Variants in HADHA observed in about 807,000 individuals in gnomAD.
The protein encoded by HADHA is hydroxyacyl-CoA dehydrogenase trifunctional multienzyme complex subunit alpha, also known as trifunctional enzyme subunit alpha, mitochondrial.
In HADHA, 59 loss-of-function variants were observed where a neutral mutation model predicts 91.3. The observed-to-expected ratio is 0.65, with a 90% CI of 0.52 to 0.80. HADHA has a LOEUF of 0.80. Among genes scored for constraint, HADHA ranks in the 30% least tolerant of loss-of-function variants. The probability of loss-of-function intolerance (pLI) is 0.00; values close to 1 mark genes in which losing one functional copy is unlikely to be tolerated. For synonymous variants in HADHA, 320 were observed against 338.9 expected (o/e 0.94, Z 0.61); for missense variants, 800 against 927.6 (o/e 0.86, Z 1.79).
intron 12 of HADHA, among the ~76,000 whole-genome samples, chr2:26,201,961 A>ATTT (rs36063094): frequency 1.5e-5 from 2 of 137,198 alleles, no homozygotes; most frequent in African/African-American, 5.4e-5. Flanking sequence ...CGCCTGGCTA[A>ATTT]TTTTTTTTTT....
At chr2:26,213,329 A>G (rs982058821) in intron 9 of HADHA, among the ~76,000 whole-genome samples, 1 of 152,206 alleles carries the variant, frequency 6.6e-6, no homozygotes, top group Non-Finnish European at 1.5e-5. Context: ...TCACTGCTCT[A>G]CTTTGTCTCT....
At chr2:26,228,515 C>G (rs758019931) in intron 7 of HADHA, among the ~76,000 whole-genome samples, 5 of 152,180 alleles carry the variant, frequency 3.3e-5, no homozygotes, top group Non-Finnish European at 5.9e-5. Context: ...AAATGCTCAT[C>G]ATTTGGTGAA....
intron 15 of HADHA, among the ~76,000 whole-genome samples, 184 bp downstream of exon 15, chr2:26,194,908 T>G (rs1179746042): frequency 6.6e-6 from 1 of 151,856 alleles, no homozygotes; most frequent in Non-Finnish European, 1.5e-5. Context: ...TCCTAGATAC[T>G]CCCCACTCCC....
chr2:26,215,907 C>T (rs899239097), intron 7 of HADHA, among the ~76,000 whole-genome samples: 1 of 152,216 alleles, frequency 6.6e-6, no homozygotes, highest in Admixed American at 6.5e-5. Context: ...GGGCCTGAAA[C>T]CAATATGCAA....
intron 6 of HADHA, among the ~76,000 whole-genome samples, 182 bp downstream of exon 6, chr2:26,231,978 A>G (rs895321233): frequency 8.6e-5 from 13 of 152,000 alleles, no homozygotes; most frequent in African/African-American, 2.2e-4. Context: ...CAAAAAAAAA[A>G]AAAAAAAAAA....
rs935397648 is a variant in HADHA, at chr2:26,193,759, G to C, written c.1703C>G (p.Pro568Arg). 4 of 1,614,016 alleles carry C rather than the reference G, an allele frequency of 2.5e-6. No homozygotes were observed. Among genetic ancestry groups the C allele is most frequent in the Non-Finnish European group, 3.4e-6 (4 of 1,179,898 alleles). Reference sequence around the variant, plus strand: ...TGTGGTCAGGGAATCCAGCTTCTTCGGGTCAACTCCTTCCTGAACAGGAAG... The same window carrying C: ...TGTGGTCAGGGAATCCAGCTTCTTCCGGTCAACTCCTTCCTGAACAGGAAG... ...VIRILQEGVDPKKLDSLTTSF... is the reference protein window; with the variant it reads ...VIRILQEGVDRKKLDSLTTSF... The change falls in exon 17 of 20, where the codon CCG (proline) becomes CGG (arginine). Residue 568 changes from proline to arginine, a missense_variant. Pro to Arg is a moderately radical substitution (Grantham distance 103). Coordinates refer to ENST00000380649, the MANE Select transcript of HADHA (RefSeq NM_000182.5).
intron 7 of HADHA, among the ~76,000 whole-genome samples, chr2:26,216,477 T>C (rs1293609799): frequency 6.6e-6 from 1 of 151,920 alleles, no homozygotes; most frequent in African/African-American, 2.4e-5. Flanking sequence ...CATGCCACTG[T>C]GCCCAGCTAA....
intron 7 of HADHA, among the ~76,000 whole-genome samples, chr2:26,227,340 G>C (rs1006025622): frequency 1.3e-5 from 2 of 151,850 alleles, no homozygotes; most frequent in Non-Finnish European, 1.5e-5. Context: ...GGTAAAACCC[G>C]ATCTCTACTA....
rs762771519 is a variant in HADHA at position 26,209,874 on chromosome 2, C to T, written c.991G>A (p.Val331Ile). The T allele has an allele frequency of 1.9e-6, 3 of 1,577,272 alleles. No individual in the cohort carries two copies. Among genetic ancestry groups the T allele is most frequent in the East Asian group, 2.2e-5 (1 of 44,686 alleles). ...AAGGCCTTTGATTCTTTGGTCATTA[C>T]AAGCTCTCCAAATTTCTGAAAAGTA... is the stretch of plus-strand genomic sequence containing the variant. The part of the protein sequence containing the change: ...LCESQKFGEL[V>I]MTKESKALMG... The change falls in exon 11 of 20, where the codon GTA becomes ATA. Residue 331 changes from valine to isoleucine, a missense_variant. By Grantham distance (29) the Val-to-Ile change is conservative (BLOSUM62 3). Coordinates refer to ENST00000380649, the MANE Select transcript of HADHA (RefSeq NM_000182.5).
intron 7 of HADHA, among the ~76,000 whole-genome samples, chr2:26,224,599 AG>A (rs1370980013): frequency 6.6e-6 from 1 of 152,234 alleles, no homozygotes; most frequent in African/African-American, 2.4e-5. Flanking sequence ...ATTTCACCCA[AG>A]GACTCTGCAT....
intron 11 of HADHA, among the ~76,000 whole-genome samples, chr2:26,206,449 G>A (rs1472015488): frequency 4.6e-5 from 7 of 151,938 alleles, no homozygotes; most frequent in Non-Finnish European, 8.8e-5. Context: ...GGCTGGTCTC[G>A]AACTCCTGAC....
rs556658352 is a variant in HADHA, at chr2:26,215,293, G to A, written c.677-118C>T. ...GCACAGCGTTCCATTTCAGACTGGA[G>A]ACTGGTAGGTGGCAAAGTCATAAAC... is the stretch of plus-strand genomic sequence containing the variant. On this transcript the variant is annotated intron_variant, in intron 7 of 19. Coordinates refer to ENST00000380649, the MANE Select transcript of HADHA (RefSeq NM_000182.5). 1.4e-4 allele frequency: 123 copies of A among 885,772 alleles called. No homozygotes were observed. In the Middle Eastern group the frequency reaches 2.4e-3, roughly 17 times the overall value. 54.9% of individuals were successfully genotyped at this position (885,772 alleles called of 1,614,324 possible).
In HADHA at chr2:26,214,905, T is replaced by C; in HGVS notation, c.799+148A>G. 1.2e-6 allele frequency: 1 copy of C among 811,898 alleles called. No homozygotes were observed. Among genetic ancestry groups the C allele is most frequent in the Non-Finnish European group, 2.1e-6 (1 of 468,458 alleles). The allele number at this position is 811,898 out of a possible 1,614,324, so 50.3% of individuals were successfully genotyped here. On this transcript the variant is annotated intron_variant, in intron 8 of 19. Transcript: ENST00000380649. This position sits in a 1 kb window ranked among gnomAD's most constrained non-coding sequence, Gnocchi z 4.1. ...TGGCTTTAACTGGATAGTGTAAAGT[T>C]GAGGAGTTGTTACATCTCCTACCTA...
intron 12 of HADHA, among the ~76,000 whole-genome samples, chr2:26,201,989 T>TG (rs1669857564): frequency 6.7e-6 from 1 of 148,328 alleles, no homozygotes; most frequent in African/African-American, 2.5e-5. Flanking sequence ...TTAGTAGAGA[T>TG]GGGGTTTCAC....
chr2:26,192,842 A>G (rs775353311), intron 17 of HADHA, among the ~76,000 whole-genome samples: 2 of 152,224 alleles, frequency 1.3e-5, no homozygotes, highest in Non-Finnish European at 2.9e-5. Flanking sequence ...TTGTATGTCT[A>G]GCTAACCCTA....
intron 10 of HADHA, chr2:26,212,131 G>T: frequency 5.7e-6 from 1 of 174,836 alleles, no homozygotes; most frequent in Non-Finnish European, 1.2e-5. Flanking sequence ...CACCCAGGCT[G>T]GAATGCAGTG....
At chr2:26,237,909 CTAG>C (rs1670799386) in intron 3 of HADHA, among the ~76,000 whole-genome samples, 1 of 152,088 alleles carries the variant, frequency 6.6e-6, no homozygotes, top group Admixed American at 6.5e-5. Flanking sequence ...AAAATTTACT[CTAG>C]TAAAGGGGAA....
chr2:26,222,353 G>A lies in HADHA; in HGVS notation c.677-7178C>T, dbSNP rs1004859152. ...GTTTAAGCCACTCAGTCTGGTATTCGTTATGGCAGCCCTAGCAAACTAATA... is the reference window on the plus strand; with the variant it reads ...GTTTAAGCCACTCAGTCTGGTATTCATTATGGCAGCCCTAGCAAACTAATA... On this transcript the variant is annotated intron_variant, in intron 7 of 19. Coordinates refer to ENST00000380649, the MANE Select transcript of HADHA (RefSeq NM_000182.5). Among the ~76,000 whole-genome samples, 10 of 152,182 alleles carry A rather than the reference G, an allele frequency of 6.6e-5. 1 individual carries two copies. Among genetic ancestry groups the A allele is most frequent in the South Asian group, 2.1e-4 (1 of 4,834 alleles).
intron 4 of HADHA, 97 bp from the exon 5 acceptor site, chr2:26,234,452 C>T: frequency 9.6e-7 from 1 of 1,043,262 alleles, no homozygotes. Context: ...TATCATGCAT[C>T]AATATTTGAT....
Sources: gnomAD v4.1 joint callset for allele counts (sites outside exome capture counted in the v4.1 genomes callset) on GRCh38, gnomAD v4.1.1 for gene constraint, Gnocchi (gnomAD v3.1) non-coding constraint, MANE v1.5 for transcripts, NCBI Gene and HGNC (gene_info 2026-07-23, HGNC 2026-07-21) for gene names.